PPM1F: variants seen among roughly 807,000 people sequenced by gnomAD.
PPM1F encodes the protein protein phosphatase, Mg2+/Mn2+ dependent 1F, also known as protein phosphatase 1F.
A neutral mutation model predicts 35.5 loss-of-function variants in PPM1F; 17 were observed. That is an observed-to-expected ratio of 0.48 (90% confidence interval 0.33 to 0.72). The LOEUF (loss-of-function observed/expected upper bound fraction) is 0.72. Among genes scored for constraint, PPM1F ranks in the 30% least tolerant of loss-of-function variants. The pLI is 0.02. For missense variants in PPM1F, 521 were observed against 613.0 expected (o/e 0.85, Z 1.59); for synonymous variants, 241 against 255.5 (o/e 0.94, Z 0.54).
At chr22:21,924,247 A>G (rs1601776389) in intron 7 of PPM1F, among the ~76,000 whole-genome samples, 1 of 150,578 alleles carries the variant, frequency 6.6e-6, no homozygotes, top group Non-Finnish European at 1.5e-5. Flanking sequence ...TGCTGAGACA[A>G]TGAGATGCAG....
rs904597698 is a variant in PPM1F, at chr22:21,945,826, G to T, written c.206+17C>A. On this transcript the variant is annotated intron_variant, in intron 2 of 7. Coordinates refer to ENST00000263212, the MANE Select transcript of PPM1F (RefSeq NM_014634.4). Reference sequence around the variant, plus strand: ...GTGCCCTTACTCCCCGTCCCCTTTGGGGGTGCACAGGCCTACCTGCTGCCC... The same window carrying T: ...GTGCCCTTACTCCCCGTCCCCTTTGTGGGTGCACAGGCCTACCTGCTGCCC... 1 of 1,604,502 alleles carries T rather than the reference G, an allele frequency of 6.2e-7. No individual in the cohort carries two copies. Among genetic ancestry groups the T allele is most frequent in the African/African-American group, 1.3e-5 (1 of 74,834 alleles).
intron 3 of PPM1F, chr22:21,938,040 A>C: frequency 8.4e-7 from 1 of 1,195,968 alleles, no homozygotes; most frequent in Non-Finnish European, 1.1e-6. Flanking sequence ...CAGGGAGAGC[A>C]TGATCAAGGC....
At chr22:21,940,363 C>T (rs984095631) in intron 2 of PPM1F, among the ~76,000 whole-genome samples, 2 of 152,128 alleles carry the variant, frequency 1.3e-5, no homozygotes, top group African/African-American at 4.8e-5. Flanking sequence ...GTTCCAGCTA[C>T]TCAGGAGGCT....
Position 21,939,691 on chromosome 22 carries a change from G to T in PPM1F, c.207-11C>A, listed in dbSNP as rs2070704183. On this transcript the variant is annotated splice_polypyrimidine_tract_variant and intron_variant, in intron 2 of 7. Transcript: ENST00000263212. The surrounding 1 kb of genome is among the most constrained non-coding windows in gnomAD (Gnocchi z 5.1). Reference sequence around the variant, plus strand: ...GGTGGCGGGGCCTTCCTAGGGATGAGGAGGGGGAAGTGAGGGGCAGCCCCC... The same window carrying T: ...GGTGGCGGGGCCTTCCTAGGGATGATGAGGGGGAAGTGAGGGGCAGCCCCC... 1 of 1,551,556 alleles carries T rather than the reference G, an allele frequency of 6.4e-7. No individual in the cohort carries two copies. Among genetic ancestry groups the T allele is most frequent in the Non-Finnish European group, 8.7e-7 (1 of 1,146,918 alleles).
In PPM1F at chr22:21,939,363, C is replaced by G. The variant is rs958881720; in HGVS notation, c.355+169G>C. 1.1e-6 allele frequency: 1 copy of G among 872,624 alleles called. No homozygotes were observed. The highest frequency in any genetic ancestry group is 1.8e-5 in the South Asian group (1 of 56,526). The allele number at this position is 872,624 out of a possible 1,614,324, so 54.1% of individuals were successfully genotyped here. A position where few individuals can be genotyped will look rare whatever the true frequency, so the allele number is the denominator to read the frequency against. On this transcript the variant is annotated intron_variant, in intron 3 of 7. Transcript: ENST00000263212. The surrounding 1 kb of genome is among the most constrained non-coding windows in gnomAD (Gnocchi z 5.1). ...CCTGTGGAGGGCTGTGACCGCCACC[C>G]TCCACCTCACTGGGGCCGCAAGCCT...
intron 4 of PPM1F, 104 bp downstream of exon 4, chr22:21,933,920 T>C: frequency 2.6e-6 from 3 of 1,137,870 alleles, no homozygotes; most frequent in South Asian, 3.1e-5. Flanking sequence ...CGGGTGTCTC[T>C]CCTGTCTCAG....
At position 21,933,425 on chromosome 22, in the gene PPM1F, G is replaced by T; in HGVS notation, c.713C>A (p.Thr238Asn). 6.2e-7 allele frequency: 1 copy of T among 1,612,364 alleles called. No individual in the cohort carries two copies. The change falls in exon 5 of 8, where the codon ACC becomes AAC. Residue 238 changes from threonine to asparagine, a missense_variant. By Grantham distance (65) the Thr-to-Asn change is moderately conservative. This residue lies in a region of PPM1F where 311 missense variants were observed against 351.5 expected (regional missense o/e 0.88). Coordinates refer to ENST00000263212, the MANE Select transcript of PPM1F (RefSeq NM_014634.4). Reference sequence around the variant, plus strand: ...GGCTTTCCTGAGAAACATCTGGTCGGTGCGCCGGAAGGCTTCTCTGAGGGC... The same window carrying T: ...GGCTTTCCTGAGAAACATCTGGTCGTTGCGCCGGAAGGCTTCTCTGAGGGC... The part of the protein sequence containing the change: ...EGALREAFRR[T>N]DQMFLRKAKR...
chr22:21,925,301 T>G, intron 7 of PPM1F: 1 of 430,978 alleles, frequency 2.3e-6, no homozygotes, highest in East Asian at 3.4e-5. Flanking sequence ...GCCCATAGGG[T>G]GGTGAGCCAC....
At position 21,920,486 on chromosome 22, in the gene PPM1F, T is replaced by C. The variant is rs746225898; in HGVS notation, c.*2606A>G. Reference sequence around the variant, plus strand: ...AGACACCTGGTGCTTCTTGGTGCAGTCCTGGTCAAGATGGAAGAGCGCTCC... The same window carrying C: ...AGACACCTGGTGCTTCTTGGTGCAGCCCTGGTCAAGATGGAAGAGCGCTCC... On this transcript the variant is annotated 3_prime_UTR_variant, in exon 8 of 8. Coordinates refer to ENST00000263212, the MANE Select transcript of PPM1F (RefSeq NM_014634.4). The C allele has an allele frequency of 1.3e-5, 2 of 152,442 alleles. No individual in the cohort carries two copies. The highest frequency in any genetic ancestry group is 2.9e-5 in the Non-Finnish European group (2 of 68,164). The allele number at this position is 152,442 out of a possible 1,614,324, so 9.4% of individuals were successfully genotyped here.
intron 2 of PPM1F, chr22:21,942,235 A>ATG (rs1212687010): frequency 6.7e-6 from 1 of 150,268 alleles, no homozygotes; most frequent in African/African-American, 2.5e-5. Context: ...GTATCTACTG[A>ATG]TGGTCTGAGG....
Position 21,921,522 on chromosome 22 carries a change from G to A in PPM1F, c.*1570C>T, listed in dbSNP as rs1377883270. ...TTTGCACGCCCTCAGTGAGCTCCCT[G>A]AGGCACCCAGGATCGGTCACTTGTG... On this transcript the variant is annotated 3_prime_UTR_variant, in exon 8 of 8. Coordinates refer to ENST00000263212, the MANE Select transcript of PPM1F (RefSeq NM_014634.4). The A allele has an allele frequency of 6.6e-6, 1 of 152,424 alleles. No individual in the cohort carries two copies. The highest frequency in any genetic ancestry group is 1.9e-4 in the East Asian group (1 of 5,184). 9.4% of individuals were successfully genotyped at this position (152,424 alleles called of 1,614,324 possible). A position where few individuals can be genotyped will look rare whatever the true frequency, so the allele number is the denominator to read the frequency against.
Position 21,922,816 on chromosome 22 carries a change from C to T in PPM1F, c.*276G>A. Reference sequence around the variant, plus strand: ...GTTGGGCACCTATGACCTCTGGTCCCACCCCGGGCCTAATAGGAGCTGGGA... The same window carrying T: ...GTTGGGCACCTATGACCTCTGGTCCTACCCCGGGCCTAATAGGAGCTGGGA... On this transcript the variant is annotated 3_prime_UTR_variant, in exon 8 of 8. Coordinates refer to ENST00000263212, the MANE Select transcript of PPM1F (RefSeq NM_014634.4). The T allele has an allele frequency of 2.3e-6, 1 of 436,942 alleles. No individual in the cohort carries two copies. Among genetic ancestry groups the T allele is most frequent in the Non-Finnish European group, 4.1e-6 (1 of 244,928 alleles). The allele number at this position is 436,942 out of a possible 1,614,324, so 27.1% of individuals were successfully genotyped here.
chr22:21,952,064 C>G (rs774938062), intron 1 of PPM1F: 3 of 152,292 alleles, frequency 2.0e-5, no homozygotes, highest in African/African-American at 7.2e-5. Context: ...GGGTGGAAGG[C>G]TTCGAAGGAG....
Position 21,939,325 on chromosome 22 carries a change from G to C in PPM1F, c.355+207C>G. ...CCCACCCCTGCCTCGTGGGCTGACT[G>C]GGAACTATATGACCTGTGGAGGGCT... On this transcript the variant is annotated intron_variant, in intron 3 of 7. Coordinates refer to ENST00000263212, the MANE Select transcript of PPM1F (RefSeq NM_014634.4). This position sits in a 1 kb window ranked among gnomAD's most constrained non-coding sequence, Gnocchi z 5.1. The C allele has an allele frequency of 1.6e-6, 1 of 637,178 alleles. No homozygotes were observed. Among genetic ancestry groups the C allele is most frequent in the East Asian group, 2.8e-5 (1 of 35,304 alleles). The allele number at this position is 637,178 out of a possible 1,614,324, so 39.5% of individuals were successfully genotyped here. A position where few individuals can be genotyped will look rare whatever the true frequency, so the allele number is the denominator to read the frequency against.
rs770401420 is a variant in PPM1F at position 21,923,270 on chromosome 22, G to C, written c.1187C>G (p.Ala396Gly). The C allele has an allele frequency of 1.2e-6, 2 of 1,613,384 alleles. No homozygotes were observed. Among genetic ancestry groups the C allele is most frequent in the Non-Finnish European group, 1.7e-6 (2 of 1,179,938 alleles). ...GLRVAEELVA[A>G]ARERGSHDNI... Reference sequence around the variant, plus strand: ...GTCGTGGGAGCCCCGCTCCCGGGCCGCAGCCACCAGCTCCTCGGCGACACG... The same window carrying C: ...GTCGTGGGAGCCCCGCTCCCGGGCCCCAGCCACCAGCTCCTCGGCGACACG... The change falls in exon 8 of 8, where the codon GCG becomes GGG. Residue 396 changes from alanine to glycine, a missense_variant. Ala to Gly is a moderately conservative substitution (Grantham distance 60). Around this residue, in one of 3 missense-constraint regions of PPM1F, gnomAD observed 163 missense variants for 169.6 expected, o/e 0.96. Transcript: ENST00000263212.
Position 21,920,711 on chromosome 22 carries a change from T to A in PPM1F, c.*2381A>T, listed in dbSNP as rs962756035. 1.3e-4 allele frequency: 20 copies of A among 152,334 alleles called. No individual in the cohort carries two copies. The highest frequency in any genetic ancestry group is 4.3e-4 in the African/African-American group (18 of 41,576). 9.4% of individuals were successfully genotyped at this position (152,334 alleles called of 1,614,324 possible). On this transcript the variant is annotated 3_prime_UTR_variant, in exon 8 of 8. Transcript: ENST00000263212. ...TTTCCCATACACTGAGGCTGCGAGA[T>A]CTTCCAGTGGAGCCTCAGGCTAGGG...
rs112281356 is a variant in PPM1F at position 21,922,941 on chromosome 22, C to CGG, written c.*149_*150dup. On this transcript the variant is annotated 3_prime_UTR_variant, in exon 8 of 8. Coordinates refer to ENST00000263212, the MANE Select transcript of PPM1F (RefSeq NM_014634.4). ...GTTCCACAGCCACCAGGACGGGCTGCGGGGGGTGTCCCGACTGGCTCTGGG... is the reference window on the plus strand; with the variant it reads ...GTTCCACAGCCACCAGGACGGGCTGCGGGGGGGGTGTCCCGACTGGCTCTGGG... 1,507 of 1,009,962 alleles carry CGG rather than the reference C, an allele frequency of 1.5e-3. 17 individuals are homozygous for CGG. The African/African-American group carries it at 0.022, about 15-fold the overall frequency. The allele number at this position is 1,009,962 out of a possible 1,614,324, so 62.6% of individuals were successfully genotyped here. A position where few individuals can be genotyped will look rare whatever the true frequency, so the allele number is the denominator to read the frequency against.
rs1241877518 is a variant in PPM1F, at chr22:21,920,279, G to A, written c.*2813C>T. Reference sequence around the variant, plus strand: ...GGAGGTCGCGGCCTCTGCAGACTCAGTGCAACCCCTGGGCCTTACAAAAGG... The same window carrying A: ...GGAGGTCGCGGCCTCTGCAGACTCAATGCAACCCCTGGGCCTTACAAAAGG... On this transcript the variant is annotated 3_prime_UTR_variant, in exon 8 of 8. Transcript: ENST00000263212. The A allele has an allele frequency of 6.6e-6, 1 of 152,660 alleles. No individual in the cohort carries two copies. Among genetic ancestry groups the A allele is most frequent in the African/African-American group, 2.4e-5 (1 of 41,456 alleles). The allele number at this position is 152,660 out of a possible 1,614,324, so 9.5% of individuals were successfully genotyped here.
In PPM1F at chr22:21,920,189, G is replaced by A. The variant is rs1029052725; in HGVS notation, c.*2903C>T. On this transcript the variant is annotated 3_prime_UTR_variant, in exon 8 of 8. Transcript: ENST00000263212. The stretch of plus-strand genomic sequence containing the variant: ...CCACCCCAACCTGCTGGCAGCAGGA[G>A]GGCCCCTGTGTGCTGGCAGCATCTC... 3.9e-5 allele frequency: 6 copies of A among 152,482 alleles called. No homozygotes were observed. Among genetic ancestry groups the A allele is most frequent in the Non-Finnish European group, 8.8e-5 (6 of 68,120 alleles). 9.4% of individuals were successfully genotyped at this position (152,482 alleles called of 1,614,324 possible).
Sources: allele counts gnomAD v4.1 joint callset (sites outside exome capture counted in the v4.1 genomes callset), GRCh38; gene constraint gnomAD v4.1.1; regional missense constraint gnomAD v4.1.1; non-coding constraint Gnocchi (gnomAD v3.1); transcripts MANE v1.5; gene names NCBI Gene and HGNC (gene_info 2026-07-23, HGNC 2026-07-21).